WDTC1: variants seen among roughly 807,000 people sequenced by gnomAD.
WDTC1 encodes the protein WD and tetratricopeptide repeats protein 1.
A neutral mutation model predicts 76.0 loss-of-function variants in WDTC1; 12 were observed. That is an observed-to-expected ratio of 0.16 (90% CI 0.10 to 0.26). The LOEUF (loss-of-function observed/expected upper bound fraction) is 0.26, where lower values mean the gene tolerates loss of function less well. WDTC1 is among the 10% of genes least tolerant of loss of function. The pLI is 1.00. For synonymous variants in WDTC1, 326 were observed against 350.8 expected, an observed-to-expected ratio of 0.93 and a Z score of 0.79; for missense variants, 511 against 908.8, an observed-to-expected ratio of 0.56 and a Z score of 5.63.
At chr1:27,236,363 G>T (rs568820765) in intron 1 of WDTC1, among the ~76,000 whole-genome samples, 1 of 152,254 alleles carries the variant, frequency 6.6e-6, no homozygotes, top group African/African-American at 2.4e-5. Context: ...GACCTTTTCC[G>T]TCATAGTTTG....
At chr1:27,238,636 G>A (rs780760227) in intron 1 of WDTC1, among the ~76,000 whole-genome samples, 4 of 151,968 alleles carry the variant, frequency 2.6e-5, no homozygotes, top group Non-Finnish European at 4.4e-5. Context: ...CATGATCTCG[G>A]CTCACTGCAA....
intron 1 of WDTC1, among the ~76,000 whole-genome samples, chr1:27,249,468 T>C (rs1267944261): frequency 6.6e-6 from 1 of 152,242 alleles, no homozygotes; most frequent in African/African-American, 2.4e-5. Flanking sequence ...TATCAGTACT[T>C]CATTCCTTCT....
chr1:27,251,340 C>T (rs557067300), intron 1 of WDTC1, among the ~76,000 whole-genome samples: 23 of 151,932 alleles, frequency 1.5e-4, no homozygotes, highest in South Asian at 1.2e-3. Flanking sequence ...AATAGAATAC[C>T]TTTTGGGAGG....
chr1:27,267,475 C>T (rs916560417), intron 3 of WDTC1, among the ~76,000 whole-genome samples: 1 of 152,094 alleles, frequency 6.6e-6, no homozygotes, highest in African/African-American at 2.4e-5. Flanking sequence ...AACTCCTGTC[C>T]TCAAGTGATC....
chr1:27,286,166 C>T (rs923717188), intron 5 of WDTC1, among the ~76,000 whole-genome samples: 23 of 151,614 alleles, frequency 1.5e-4, no homozygotes, highest in Non-Finnish European at 8.8e-5. Flanking sequence ...CCACCACATC[C>T]GGCTAATTTT....
intron 1 of WDTC1, among the ~76,000 whole-genome samples, chr1:27,238,998 CTTTTTT>C (rs61324262): frequency 2.2e-5 from 2 of 91,680 alleles, no homozygotes; most frequent in Non-Finnish European, 4.7e-5. Flanking sequence ...CCGCTCCTGG[CTTTTTT>C]TTTTTTTTTT....
intron 3 of WDTC1, among the ~76,000 whole-genome samples, chr1:27,279,550 T>C (rs536792649): frequency 6.6e-6 from 1 of 152,166 alleles, no homozygotes; most frequent in Non-Finnish European, 1.5e-5. Context: ...GCTTACATTT[T>C]TTGTTTCTTG....
In WDTC1 at chr1:27,305,318, C is replaced by G; in HGVS notation, c.1836+125C>G. ...TAGAAGCTGCTAAGTAAGCCTTACC[C>G]CGGGGCCCAAGGCTGTGTTCTCAGA... is the stretch of plus-strand genomic sequence containing the variant. On this transcript the variant is annotated intron_variant, in intron 15 of 15. Transcript: ENST00000319394. This position sits in a 1 kb window ranked among gnomAD's most constrained non-coding sequence, Gnocchi z 4.6. The G allele has an allele frequency of 2.4e-6, 3 of 1,229,536 alleles. No individual in the cohort carries two copies. Among genetic ancestry groups the G allele is most frequent in the Non-Finnish European group, 3.3e-6 (3 of 912,832 alleles). 76.2% of individuals were successfully genotyped at this position (1,229,536 alleles called of 1,614,324 possible).
chr1:27,252,239 C>T lies in WDTC1; in HGVS notation c.-99-8717C>T, dbSNP rs538972474. The stretch of plus-strand genomic sequence containing the variant: ...GCACACACATGTGGTCCCAGCTACT[C>T]AGGAGGGTGAGGTGGCAGGATTGCT... On this transcript the variant is annotated intron_variant, in intron 1 of 15. Coordinates refer to ENST00000319394, the MANE Select transcript of WDTC1 (RefSeq NM_001276252.2). 3.3e-5 allele frequency among the ~76,000 whole-genome samples: 5 copies of T among 151,864 alleles called. No homozygotes were observed. In the South Asian group the frequency reaches 1.0e-3, roughly 32 times the overall value.
chr1:27,250,969 C>T (rs942935345), intron 1 of WDTC1, among the ~76,000 whole-genome samples: 2 of 142,940 alleles, frequency 1.4e-5, no homozygotes, highest in Non-Finnish European at 3.0e-5. Context: ...CAGGTTCAAG[C>T]GATTCTCCTG....
chr1:27,235,038 G>A (rs906884974), intron 1 of WDTC1, 87 bp downstream of exon 1: 2 of 358,078 alleles, frequency 5.6e-6, no homozygotes, highest in Non-Finnish European at 1.0e-5. Flanking sequence ...CGCCCGCTCT[G>A]GGCCGGCTCC....
rs558154322 is a variant in WDTC1 at position 27,278,129 on chromosome 1, C to A, written c.133-4110C>A. Among the ~76,000 whole-genome samples, 20 of 152,294 alleles carry A rather than the reference C, an allele frequency of 1.3e-4. No individual in the cohort carries two copies. The South Asian group carries it at 4.1e-3, about 32-fold the overall frequency. On this transcript the variant is annotated intron_variant, in intron 3 of 15. Transcript: ENST00000319394. ...AAGTGCTGGGATTACAGGCGTGAGC[C>A]ACCACACCTGGCCCATATGAGCTTT...
At chr1:27,259,938 G>A (rs575052504) in intron 1 of WDTC1, among the ~76,000 whole-genome samples, 175 of 152,096 alleles carry the variant, frequency 1.2e-3, no homozygotes, top group Admixed American at 2.0e-3. Context: ...TCAGGAGGCT[G>A]AGATGGGAGG....
chr1:27,255,817 T>C (rs944935220), intron 1 of WDTC1, among the ~76,000 whole-genome samples: 1 of 151,936 alleles, frequency 6.6e-6, no homozygotes, highest in Admixed American at 6.6e-5. Context: ...GATCCACCCA[T>C]CTCAGCCTCC....
chr1:27,290,890 C>T (rs954463289), intron 6 of WDTC1, among the ~76,000 whole-genome samples: 2 of 152,228 alleles, frequency 1.3e-5, no homozygotes. Flanking sequence ...TCCTAGCAAT[C>T]GCACTCAGTA....
Position 27,305,233 on chromosome 1 carries a change from CTG to C in WDTC1, c.1836+43_1836+44del. 1.3e-6 allele frequency: 2 copies of C among 1,592,966 alleles called. No individual in the cohort carries two copies. The highest frequency in any genetic ancestry group is 1.1e-5 in the South Asian group (1 of 89,454). On this transcript the variant is annotated intron_variant, in intron 15 of 15. Coordinates refer to ENST00000319394, the MANE Select transcript of WDTC1 (RefSeq NM_001276252.2). The surrounding 1 kb of genome is among the most constrained non-coding windows in gnomAD (Gnocchi z 4.6). ...CCAAGCAGAGAGGAGGGCAGGGACTCTGTGGAAGGCTCCAGTGGAGCCTGCTA... is the reference window on the plus strand; with the variant it reads ...CCAAGCAGAGAGGAGGGCAGGGACTCTGGAAGGCTCCAGTGGAGCCTGCTA...
rs144617858 is a variant in WDTC1 at position 27,299,884 on chromosome 1, T to C, written c.1233-1342T>C. Among the ~76,000 whole-genome samples, 241 of 152,286 alleles carry C rather than the reference T, an allele frequency of 1.6e-3. 2 individuals are homozygous for C. Among genetic ancestry groups the C allele is most frequent in the African/African-American group, 5.4e-3 (226 of 41,552 alleles). On this transcript the variant is annotated intron_variant, in intron 12 of 15. Transcript: ENST00000319394. ...ACCCCTAGAATGTCACATTCTGTCC[T>C]GGGCCAGTCTCCCCAGGGCTGCCAT...
At chr1:27,282,966 C>A (rs1447259211) in intron 4 of WDTC1, among the ~76,000 whole-genome samples, 1 of 151,610 alleles carries the variant, frequency 6.6e-6, no homozygotes, top group Non-Finnish European at 1.5e-5. Flanking sequence ...AGTGAAACCC[C>A]GTCTCTACAA....
rs2013967067 is a variant in WDTC1, at chr1:27,306,802, T to G, written c.*419T>G. 5.0e-6 allele frequency: 1 copy of G among 200,800 alleles called. No homozygotes were observed. Among genetic ancestry groups the G allele is most frequent in the Admixed American group, 5.3e-5 (1 of 18,932 alleles). 12.4% of individuals were successfully genotyped at this position (200,800 alleles called of 1,614,324 possible). On this transcript the variant is annotated 3_prime_UTR_variant, in exon 16 of 16. Coordinates refer to ENST00000319394, the MANE Select transcript of WDTC1 (RefSeq NM_001276252.2). The surrounding 1 kb of genome is among the most constrained non-coding windows in gnomAD (Gnocchi z 5.0). ...CAATTGGTAAGGGCTCGCCTTGGCC[T>G]GTTGCCACTCTTGCTCCCTAGCCTG... is the stretch of plus-strand genomic sequence containing the variant.
Sources: gnomAD v4.1 joint callset for allele counts (sites outside exome capture counted in the v4.1 genomes callset) on GRCh38, gnomAD v4.1.1 for gene constraint, Gnocchi (gnomAD v3.1) non-coding constraint, MANE v1.5 for transcripts, NCBI Gene and HGNC (gene_info 2026-07-23, HGNC 2026-07-21) for gene names.